Variants in PTK2B observed in about 807,000 individuals in gnomAD.
PTK2B encodes protein tyrosine kinase 2 beta.
A neutral mutation model predicts 142.9 loss-of-function variants in PTK2B; 71 were observed. That is an observed-to-expected ratio of 0.50 (90% confidence interval 0.41 to 0.61). The LOEUF is 0.61. PTK2B is among the 20% of genes least tolerant of loss of function. PTK2B has a pLI of 0.00. For synonymous variants in PTK2B, 519 were observed against 503.4 expected (o/e 1.03, Z -0.42); for missense variants, 1,105 against 1,320.4 (o/e 0.84, Z 2.53).
intron 1 of PTK2B, among the ~76,000 whole-genome samples, chr8:27,371,563 T>A (rs999245271): frequency 3.9e-5 from 5 of 127,920 alleles, no homozygotes; most frequent in East Asian, 2.2e-4. Context: ...ATATATATAT[T>A]TTGAGACAGA....
intron 1 of PTK2B, among the ~76,000 whole-genome samples, chr8:27,360,656 C>T (rs1235814755): frequency 1.3e-5 from 2 of 152,174 alleles, no homozygotes; most frequent in Non-Finnish European, 2.9e-5. Context: ...GGCAGGATTT[C>T]CTGGGGTACG....
At chr8:27,416,298 C>T (rs1249947508) in intron 2 of PTK2B, among the ~76,000 whole-genome samples, 1 of 152,112 alleles carries the variant, frequency 6.6e-6, no homozygotes, top group Non-Finnish European at 1.5e-5. Context: ...TACAGTAATG[C>T]AGACAGTGTG....
At chr8:27,354,199 T>A in intron 1 of PTK2B, among the ~76,000 whole-genome samples, 1 of 152,172 alleles carries the variant, frequency 6.6e-6, no homozygotes, top group Non-Finnish European at 1.5e-5. Context: ...AGAAAAGCCC[T>A]TTTCCCCAAG....
intron 1 of PTK2B, among the ~76,000 whole-genome samples, chr8:27,328,942 CTTTTTT>C (rs147983841): frequency 3.4e-5 from 5 of 145,952 alleles, no homozygotes; most frequent in Admixed American, 6.9e-5. Context: ...TGCGTGCAAC[CTTTTTT>C]TTTTTTTGAG....
intron 5 of PTK2B, among the ~76,000 whole-genome samples, chr8:27,422,778 T>C (rs1199693259): frequency 6.6e-6 from 1 of 152,198 alleles, no homozygotes; most frequent in Admixed American, 6.5e-5. Context: ...TATCCCCATC[T>C]CCAGTAGGCA....
At chr8:27,457,975 C>CAAAAAAAA (rs11317355) in intron 30 of PTK2B, among the ~76,000 whole-genome samples, 1 of 94,044 alleles carries the variant, frequency 1.1e-5, no homozygotes, top group Non-Finnish European at 2.1e-5. Context: ...AACTCAGTCT[C>CAAAAAAAA]AAAAAAAAAA....
Position 27,458,506 on chromosome 8 carries a change from G to T in PTK2B, c.3027G>T (p.Glu1009Asp), listed in dbSNP as rs370726123. The T allele has an allele frequency of 6.4e-5, 100 of 1,563,080 alleles. No homozygotes were observed. The highest frequency in any genetic ancestry group is 1.9e-4 in the Admixed American group (10 of 52,288). Residue 1009 changes from glutamate to aspartate, a missense_variant, in exon 31 of 31, where the codon GAG becomes GAT. Physicochemically the swap from Glu to Asp is conservative, Grantham distance 45. Transcript: ENST00000346049. ...VLANLAHPPA[E>D] The stretch of plus-strand genomic sequence containing the variant: ...CCAATCTGGCCCACCCACCTGCAGA[G>T]TGACGGAGGGTGGGGGCCACCTGCC...
chr8:27,311,921 A>T (rs1802984480), intron 1 of PTK2B, among the ~76,000 whole-genome samples: 1 of 152,152 alleles, frequency 6.6e-6, no homozygotes. Flanking sequence ...AAGTCCATTT[A>T]CTCATGAGTA....
At chr8:27,324,764 A>G (rs1161330195), upstream of PTK2B, among the ~76,000 whole-genome samples, 1 of 152,066 alleles carries the variant, frequency 6.6e-6, no homozygotes, top group Non-Finnish European at 1.5e-5. Context: ...TGCTGCGTAC[A>G]CTCCACTTTT....
rs1045621418 is a variant in PTK2B at position 27,417,919 on chromosome 8, C to T, written c.205-1976C>T. On this transcript the variant is annotated intron_variant, in intron 2 of 30. Coordinates refer to ENST00000346049, the MANE Select transcript of PTK2B (RefSeq NM_173176.3). Reference sequence around the variant, plus strand: ...GGGGGCTCTGAGTAATGCATTATTCCGGATGACAGTGGACAGAGCAGGGCA... The same window carrying T: ...GGGGGCTCTGAGTAATGCATTATTCTGGATGACAGTGGACAGAGCAGGGCA... 1.6e-4 allele frequency among the ~76,000 whole-genome samples: 25 copies of T among 152,140 alleles called. No individual in the cohort carries two copies. In the South Asian group the frequency reaches 2.3e-3, roughly 14 times the overall value.
chr8:27,310,784 C>T (rs201950066), upstream of PTK2B: 4 of 1,558,842 alleles, frequency 2.6e-6, no homozygotes, highest in East Asian at 6.8e-5. Flanking sequence ...CCGCCTCGTG[C>T]AAATCGCTGC....
intron 27 of PTK2B, chr8:27,452,535 C>A (rs759017190): frequency 1.3e-5 from 2 of 148,780 alleles, no homozygotes; most frequent in Non-Finnish European, 3.0e-5. Context: ...CCACTGTGCT[C>A]CAGCCTCGGT....
chr8:27,412,690 G>A (rs1245328230), intron 2 of PTK2B, among the ~76,000 whole-genome samples: 3 of 152,180 alleles, frequency 2.0e-5, no homozygotes, highest in Non-Finnish European at 1.5e-5. Context: ...ATGAAGATAT[G>A]TTGGGTGAAG....
intron 24 of PTK2B, among the ~76,000 whole-genome samples, chr8:27,448,829 G>A (rs1229266399): frequency 2.0e-5 from 3 of 152,152 alleles, no homozygotes; most frequent in Non-Finnish European, 1.5e-5. Context: ...GATTTTTATG[G>A]CCTTAAAATG....
chr8:27,445,806 C>G lies in PTK2B; in HGVS notation c.2227C>G (p.Leu743Val), dbSNP rs368243738. The G allele has an allele frequency of 1.9e-6, 3 of 1,613,844 alleles. No homozygotes were observed. In the African/African-American group the frequency reaches 4.0e-5, roughly 22 times the overall value. ...TTTTCCTGAATAGGTTCCTGAGGGT[C>G]TGTGTGCCAGCTCTCCTACGCTCAC... Reference protein sequence around the residue: ...PKLQFQVPEGLCASSPTLTSP... With the variant: ...PKLQFQVPEGVCASSPTLTSP... Residue 743 changes from leucine (L) to valine (V), a missense_variant, in exon 24 of 31, where the codon CTG becomes GTG. Transcript: ENST00000346049.
chr8:27,447,645 T>A (rs1811551023), intron 24 of PTK2B, among the ~76,000 whole-genome samples: 1 of 152,120 alleles, frequency 6.6e-6, no homozygotes, highest in Admixed American at 6.5e-5. Flanking sequence ...GATCACTTGA[T>A]GTCAGGAGTC....
At chr8:27,370,668 C>T (rs918219144) in intron 1 of PTK2B, among the ~76,000 whole-genome samples, 2 of 152,222 alleles carry the variant, frequency 1.3e-5, no homozygotes, top group Non-Finnish European at 2.9e-5. Flanking sequence ...ACAGGGAGTT[C>T]CTGGAAACTG....
At chr8:27,408,650 CA>C (rs944649835) in intron 2 of PTK2B, among the ~76,000 whole-genome samples, 4 of 152,182 alleles carry the variant, frequency 2.6e-5, no homozygotes, top group Non-Finnish European at 4.4e-5. Flanking sequence ...CCTTGGCCCC[CA>C]CAGGGGATAT....
intron 1 of PTK2B, among the ~76,000 whole-genome samples, chr8:27,348,716 CT>C (rs1212688227): frequency 6.6e-6 from 1 of 152,164 alleles, no homozygotes; most frequent in East Asian, 1.9e-4. Flanking sequence ...TGGGCAATAT[CT>C]TTGTGGGGGC....
Sources: allele counts gnomAD v4.1 joint callset (sites outside exome capture counted in the v4.1 genomes callset), GRCh38; gene constraint gnomAD v4.1.1; transcripts MANE v1.5; gene names NCBI Gene and HGNC (gene_info 2026-07-23, HGNC 2026-07-21).